The following UTP20 variants were observed in gnomAD, a reference collection of about 807,000 sequenced individuals.
The protein encoded by UTP20 is UTP20 small subunit processome component.
A neutral mutation model predicts 329.5 loss-of-function variants in UTP20; 164 were observed. That is an observed-to-expected ratio of 0.50 (90% CI 0.44 to 0.57). The LOEUF (loss-of-function observed/expected upper bound fraction) is 0.57. Among genes scored for constraint, UTP20 ranks in the 20% least tolerant of loss-of-function variants. The pLI, the probability that UTP20 is intolerant of heterozygous loss-of-function variation, is 0.00. For synonymous variants in UTP20, 1,151 were observed against 1,159.3 expected (o/e 0.99, Z 0.14); for missense variants, 3,055 against 3,284.2 (o/e 0.93, Z 1.71).
chr12:101,353,242 C>A, intron 40 of UTP20, 113 bp downstream of exon 40: 1 of 587,354 alleles, frequency 1.7e-6, no homozygotes, highest in Non-Finnish European at 2.8e-6. Flanking sequence ...CTCTTACTAG[C>A]AATGGACAGT....
In UTP20 at chr12:101,299,729, A is replaced by C. The variant is rs750322929; in HGVS notation, c.1478A>C (p.Gln493Pro). ...KKTRSKGRNE[Q>P]FPVLDHLLSI... ...ACTAGATCCAAGGGAAGAAACGAAC[A>C]GTTTCCAGTATTGGACCATCTTTTA... Residue 493 changes from glutamine (Q) to proline (P), a missense_variant, in exon 13 of 62, where the codon CAG becomes CCG. Gln to Pro is a moderately conservative substitution (Grantham distance 76, BLOSUM62 -1). Transcript: ENST00000261637. The C allele has an allele frequency of 1.9e-6, 3 of 1,608,038 alleles. No individual in the cohort carries two copies. In the African/African-American group the frequency reaches 4.0e-5, roughly 22 times the overall value.
chr12:101,374,773 T>A, intron 54 of UTP20, 35 bp from the exon 55 acceptor site: 2 of 869,628 alleles, frequency 2.3e-6, no homozygotes, highest in Non-Finnish European at 3.9e-6. Flanking sequence ...CCTCCCAAGT[T>A]CTCTTGACAT....
chr12:101,284,201 A>C (rs1871887842), intron 2 of UTP20, among the ~76,000 whole-genome samples: 1 of 152,080 alleles, frequency 6.6e-6, no homozygotes, highest in Non-Finnish European at 1.5e-5. Context: ...CCAGGTAGTG[A>C]GCATAGTACC....
intron 49 of UTP20, 116 bp from the exon 50 acceptor site, chr12:101,370,316 A>AG (rs1297181205): frequency 7.8e-7 from 1 of 1,274,178 alleles, no homozygotes; most frequent in East Asian, 2.4e-5. Flanking sequence ...CCAAGGCTAG[A>AG]GGGCTGGCAC....
At chr12:101,327,976 T>A (rs892643282) in intron 26 of UTP20, among the ~76,000 whole-genome samples, 4 of 152,170 alleles carry the variant, frequency 2.6e-5, no homozygotes, top group Non-Finnish European at 5.9e-5. Context: ...TAGAAAGGTA[T>A]TTCACCCATC....
rs773429719 is a variant in UTP20, at chr12:101,362,123, A to T, written c.5790+63A>T. On this transcript the variant is annotated intron_variant, in intron 44 of 61. Transcript: ENST00000261637. The stretch of plus-strand genomic sequence containing the variant: ...GTGGGCCAACGACACAAAAAAATCA[A>T]TTCACCAAATAAGAAATAATAATAG... 3 of 1,167,338 alleles carry T rather than the reference A, an allele frequency of 2.6e-6. No homozygotes were observed. The African/African-American group carries it at 4.7e-5, about 18-fold the overall frequency. The allele number at this position is 1,167,338 out of a possible 1,614,324, so 72.3% of individuals were successfully genotyped here. A position where few individuals can be genotyped will look rare whatever the true frequency, so the allele number is the denominator to read the frequency against.
chr12:101,350,166 C>T (rs1869469147), intron 38 of UTP20, among the ~76,000 whole-genome samples: 1 of 151,824 alleles, frequency 6.6e-6, no homozygotes, highest in Admixed American at 6.6e-5. Flanking sequence ...TAAATTATTG[C>T]CAAGGCTGCT....
intron 27 of UTP20, among the ~76,000 whole-genome samples, chr12:101,331,392 C>CAGTTT (rs1868754048): frequency 6.6e-6 from 1 of 152,152 alleles, no homozygotes; most frequent in Non-Finnish European, 1.5e-5. Context: ...TTATCTTTCA[C>CAGTTT]TAAACTTGAT....
intron 38 of UTP20, among the ~76,000 whole-genome samples, chr12:101,347,245 A>G (rs1869355364): frequency 6.6e-6 from 1 of 152,148 alleles, no homozygotes; most frequent in Admixed American, 6.5e-5. Flanking sequence ...TAATGAGGTC[A>G]AGTGCAGTGG....
At chr12:101,359,622 A>G (rs1441868151) in intron 43 of UTP20, among the ~76,000 whole-genome samples, 1 of 151,896 alleles carries the variant, frequency 6.6e-6, no homozygotes, top group African/African-American at 2.4e-5. Flanking sequence ...AGCTCATCCA[A>G]TGAGTTTCTT....
rs925536402 is a variant in UTP20, at chr12:101,366,540, A to T, written c.6126-18A>T. 2 of 1,606,108 alleles carry T rather than the reference A, an allele frequency of 1.2e-6. No homozygotes were observed. Among genetic ancestry groups the T allele is most frequent in the Non-Finnish European group, 1.7e-6 (2 of 1,176,496 alleles). On this transcript the variant is annotated intron_variant, in intron 46 of 61. Transcript: ENST00000261637. ...TGACAGTGTTCTTTACCCTCTTCTC[A>T]TGCCACGTGATTGACAGAAATCCAG...
chr12:101,298,874 G>GTT (rs982118310), intron 12 of UTP20, among the ~76,000 whole-genome samples: 1 of 143,512 alleles, frequency 7.0e-6, no homozygotes, highest in African/African-American at 2.6e-5. Context: ...CTTTGTTTTT[G>GTT]TTTTTTTTTT....
Position 101,291,750 on chromosome 12 carries a change from C to T in UTP20, c.900C>T (p.Leu300=). 6.3e-7 allele frequency: 1 copy of T among 1,575,390 alleles called. No individual in the cohort carries two copies. The highest frequency in any genetic ancestry group is 8.6e-7 in the Non-Finnish European group (1 of 1,164,710). ...AAATTCTTTGTTTGCAGGAATCGCT[C>T]TTGGATCTACACACAAAAGTAACAA... ...GTFFECLQES[L]LDLHTKVTKT... Residue 300 remains leucine (L), a synonymous_variant, in exon 9 of 62, where the codon CTC becomes CTT. Transcript: ENST00000261637.
rs142658373 is a variant in UTP20 at position 101,374,386 on chromosome 12, G to A, written c.7132-422G>A. On this transcript the variant is annotated intron_variant, in intron 54 of 61. Transcript: ENST00000261637. ...CCTTTGTTTCCAATTTTGCATATTC[G>A]ATTACTGAAATGTAATTTTTATCCA... Among the ~76,000 whole-genome samples, 143 of 151,900 alleles carry A rather than the reference G, an allele frequency of 9.4e-4. 2 individuals are homozygous for A. The East Asian group carries it at 0.022, about 23-fold the overall frequency.
chr12:101,309,948 G>A, intron 19 of UTP20, 109 bp downstream of exon 19: 2 of 902,188 alleles, frequency 2.2e-6, no homozygotes. Context: ...GGTGTATATG[G>A]TATTTACAGT....
chr12:101,337,496 C>T (rs1186285623), intron 29 of UTP20, among the ~76,000 whole-genome samples: 1 of 152,194 alleles, frequency 6.6e-6, no homozygotes, highest in African/African-American at 2.4e-5. Flanking sequence ...TTATAACTTT[C>T]ATGTGAGTCT....
intron 32 of UTP20, among the ~76,000 whole-genome samples, chr12:101,340,970 T>C (rs1869109046): frequency 3.3e-5 from 1 of 30,554 alleles, no homozygotes; most frequent in African/African-American, 2.4e-4. Flanking sequence ...TTTTTTTTTT[T>C]TTTTTTTTTT....
chr12:101,359,237 T>A (rs184590677), intron 43 of UTP20, among the ~76,000 whole-genome samples: 1 of 152,230 alleles, frequency 6.6e-6, no homozygotes, highest in Admixed American at 6.5e-5. Context: ...CTAATTTTTT[T>A]GTATTTTTAG....
chr12:101,293,308 A>C, intron 11 of UTP20, 63 bp downstream of exon 11: 1 of 1,453,344 alleles, frequency 6.9e-7, no homozygotes, highest in Non-Finnish European at 9.6e-7. Context: ...AAACGATCAA[A>C]TTTGAAATCC....
Sources: allele counts gnomAD v4.1 joint callset (sites outside exome capture counted in the v4.1 genomes callset), GRCh38; gene constraint gnomAD v4.1.1; transcripts MANE v1.5; gene names NCBI Gene and HGNC (gene_info 2026-07-23, HGNC 2026-07-21).